SRP9: variants seen among roughly 807,000 people sequenced by gnomAD.
SRP9 encodes signal recognition particle 9, also known as signal recognition particle 9 kDa protein.
Under a neutral mutation model 11.7 loss-of-function variants are expected in SRP9, and 2 were observed. The observed-to-expected ratio is 0.17, with a 90% CI of 0.07 to 0.54. The LOEUF (loss-of-function observed/expected upper bound fraction) is 0.54, where lower values mean the gene tolerates loss of function less well. Among genes scored for constraint, SRP9 ranks in the 20% least tolerant of loss-of-function variants. The pLI is 0.94. For missense variants in SRP9, 54 were observed against 108.1 expected (o/e 0.50, Z 2.22); for synonymous variants, 27 against 35.6 (o/e 0.76, Z 0.86).
rs781696523 is a variant in SRP9, at chr1:225,777,914, C to T, written c.-27C>T. 2 of 1,608,010 alleles carry T rather than the reference C, an allele frequency of 1.2e-6. No homozygotes were observed. The highest frequency in any genetic ancestry group is 1.7e-5 in the Admixed American group (1 of 59,614). On this transcript the variant is annotated 5_prime_UTR_variant, in exon 1 of 3. Transcript: ENST00000304786. The stretch of plus-strand genomic sequence containing the variant: ...TGGGCCGGGTTCTGAGGCCTTGCTT[C>T]TCTTTACTTTTCCACTCTAGGCCAC...
At position 225,784,059 on chromosome 1, in the gene SRP9, C is replaced by CT. The variant is rs1436141840; in HGVS notation, c.141+695dup. Among the ~76,000 whole-genome samples the CT allele has an allele frequency of 2.0e-5, 3 of 151,214 alleles. No homozygotes were observed. The East Asian group carries it at 5.8e-4, about 29-fold the overall frequency. On this transcript the variant is annotated intron_variant, in intron 2 of 2. Coordinates refer to ENST00000304786, the MANE Select transcript of SRP9 (RefSeq NM_003133.6). ...TCTCTAGGATTCTGTCCTTGATTGT[C>CT]TTTTCATAACAGCTTCTGGAGCAGT...
At chr1:225,783,102 TAAATG>T (rs1373593990) in intron 1 of SRP9, among the ~76,000 whole-genome samples, 193 bp from the exon 2 acceptor site, 1 of 152,052 alleles carries the variant, frequency 6.6e-6, no homozygotes, top group Non-Finnish European at 1.5e-5. Context: ...AAGTCTTAAA[TAAATG>T]GTAGCAAAGG....
intron 1 of SRP9, among the ~76,000 whole-genome samples, chr1:225,782,191 G>T (rs1033622945): frequency 1.4e-4 from 22 of 151,758 alleles, no homozygotes; most frequent in Non-Finnish European, 1.9e-4. Flanking sequence ...TTGAAATGGA[G>T]TCTCGCTCTG....
intron 2 of SRP9, among the ~76,000 whole-genome samples, chr1:225,785,602 G>A (rs562225899): frequency 8.6e-5 from 13 of 150,874 alleles, no homozygotes; most frequent in Admixed American, 5.9e-4. Context: ...GGATGGTCTC[G>A]AACTCCTGAC....
rs1164902991 is a variant in SRP9, at chr1:225,789,362, G to T, written c.*3G>T. ...ATGTTACCATGGAAACTGAGTGAAT[G>T]GTTTGAAATGAAGACTTTGTCGTGT... On this transcript the variant is annotated 3_prime_UTR_variant, in exon 3 of 3. Coordinates refer to ENST00000304786, the MANE Select transcript of SRP9 (RefSeq NM_003133.6). The T allele has an allele frequency of 6.3e-6, 10 of 1,579,748 alleles. No individual in the cohort carries two copies. Among genetic ancestry groups the T allele is most frequent in the African/African-American group, 2.7e-5 (2 of 73,066 alleles).
In SRP9 at chr1:225,790,002, A is replaced by G. The variant is rs1575956221; in HGVS notation, c.*643A>G. 6.6e-6 allele frequency: 1 copy of G among 152,438 alleles called. No homozygotes were observed. The highest frequency in any genetic ancestry group is 2.4e-5 in the African/African-American group (1 of 41,582). The allele number at this position is 152,438 out of a possible 1,614,324, so 9.4% of individuals were successfully genotyped here. A position where few individuals can be genotyped will look rare whatever the true frequency, so the allele number is the denominator to read the frequency against. On this transcript the variant is annotated 3_prime_UTR_variant, in exon 3 of 3. Transcript: ENST00000304786. ...CTTGTTGAGCAATGACTTTGAATCT[A>G]GTTTTCAGTGATCAGAAGCAGCAGT...
At chr1:225,786,535 T>A (rs891157942) in intron 2 of SRP9, among the ~76,000 whole-genome samples, 1 of 152,220 alleles carries the variant, frequency 6.6e-6, no homozygotes, top group Admixed American at 6.5e-5. Flanking sequence ...TTAGACCTTT[T>A]AGTGATTACC....
intron 1 of SRP9, among the ~76,000 whole-genome samples, chr1:225,778,437 C>T (rs953662125): frequency 3.3e-5 from 5 of 152,228 alleles, no homozygotes; most frequent in African/African-American, 7.2e-5. Flanking sequence ...CTCAGACATT[C>T]TTGAAAGATT....
intron 2 of SRP9, among the ~76,000 whole-genome samples, chr1:225,788,093 A>G (rs372497870): frequency 3.3e-5 from 5 of 152,226 alleles, no homozygotes; most frequent in South Asian, 2.1e-4. Context: ...TGAAGATTCT[A>G]CAACAGATGG....
intron 1 of SRP9, among the ~76,000 whole-genome samples, chr1:225,779,258 C>T (rs924483570): frequency 2.0e-5 from 3 of 151,940 alleles, no homozygotes; most frequent in African/African-American, 7.3e-5. Context: ...GGTTCTCCTG[C>T]CTCAGCTTCC....
intron 1 of SRP9, among the ~76,000 whole-genome samples, chr1:225,779,561 T>C (rs1252036627): frequency 1.3e-5 from 2 of 152,226 alleles, no homozygotes; most frequent in African/African-American, 4.8e-5. Context: ...CAGTTTATAG[T>C]GCATATAAGT....
intron 1 of SRP9, among the ~76,000 whole-genome samples, chr1:225,778,747 G>C (rs1665735841): frequency 6.6e-6 from 1 of 152,088 alleles, no homozygotes; most frequent in African/African-American, 2.4e-5. Flanking sequence ...TTGAGGTTTT[G>C]GTTATTTTAT....
intron 1 of SRP9, among the ~76,000 whole-genome samples, chr1:225,782,726 A>G (rs778703474): frequency 1.8e-4 from 27 of 152,250 alleles, no homozygotes; most frequent in Non-Finnish European, 3.1e-4. Flanking sequence ...TGGAGACTTC[A>G]AGGCAGAATT....
chr1:225,781,880 A>G (rs770031741), intron 1 of SRP9, among the ~76,000 whole-genome samples: 91 of 152,212 alleles, frequency 6.0e-4, no homozygotes, highest in Admixed American at 5.2e-4. Flanking sequence ...CAGGTATTCT[A>G]AAGATAATTA....
chr1:225,783,520 C>T, intron 2 of SRP9, 152 bp downstream of exon 2: 1 of 623,112 alleles, frequency 1.6e-6, no homozygotes, highest in South Asian at 2.1e-5. Context: ...CTAGCAGCTA[C>T]TTTTATAGAC....
chr1:225,788,952 T>G, intron 2 of SRP9: 8 of 1,504,506 alleles, frequency 5.3e-6, no homozygotes, highest in Non-Finnish European at 7.1e-6. Flanking sequence ...TCTTGAGTTC[T>G]TCTCATCAGA....
chr1:225,785,957 A>G (rs1463306788), intron 2 of SRP9, among the ~76,000 whole-genome samples: 1 of 152,222 alleles, frequency 6.6e-6, no homozygotes, highest in Admixed American at 6.5e-5. Flanking sequence ...AAGTGCTGGG[A>G]TTACAGGTGT....
At position 225,783,360 on chromosome 1, in the gene SRP9, G is replaced by A; in HGVS notation, c.133G>A (p.Asp45Asn). The change falls in exon 2 of 3, where the codon GAT becomes AAT. Residue 45 changes from aspartate (D) to asparagine (N), a missense_variant. By Grantham distance (23) the Asp-to-Asn change is conservative. Coordinates refer to ENST00000304786, the MANE Select transcript of SRP9 (RefSeq NM_003133.6). ...DGNLCVKVTD[D>N]LVCLVYKTDQ... ...GAACTTGTGTGTTAAAGTAACAGAT[G>A]ATTTAGTTGTAAGTATACATTTTTA... 1 of 1,609,204 alleles carries A rather than the reference G, an allele frequency of 6.2e-7. No individual in the cohort carries two copies.
intron 1 of SRP9, among the ~76,000 whole-genome samples, chr1:225,778,359 T>C (rs1665726558): frequency 6.6e-6 from 1 of 152,256 alleles, no homozygotes; most frequent in Admixed American, 6.5e-5. Flanking sequence ...TGGTTCACTT[T>C]TCCTGTACCG....
Sources: allele counts gnomAD v4.1 joint callset (sites outside exome capture counted in the v4.1 genomes callset), GRCh38; gene constraint gnomAD v4.1.1; transcripts MANE v1.5; gene names NCBI Gene and HGNC (gene_info 2026-07-23, HGNC 2026-07-21).